MEMO1: variants seen among roughly 807,000 people sequenced by gnomAD.
The protein encoded by MEMO1 is mediator of cell motility 1.
MEMO1 carries 6 observed loss-of-function variants against 45.2 expected under a neutral mutation model. The observed-to-expected ratio is 0.13, with a 90% CI of 0.07 to 0.26. The LOEUF is 0.26. MEMO1 is among the 10% of genes least tolerant of loss of function. The probability of loss-of-function intolerance (pLI) is 1.00; values close to 1 mark genes in which losing one functional copy is unlikely to be tolerated. For missense variants in MEMO1, 184 were observed against 370.5 expected, an observed-to-expected ratio of 0.50 and a Z score of 4.13; for synonymous variants, 78 against 124.3, an observed-to-expected ratio of 0.63 and a Z score of 2.48.
intron 2 of MEMO1, among the ~76,000 whole-genome samples, chr2:31,994,108 G>A (rs2148560286): frequency 6.7e-6 from 1 of 150,282 alleles, no homozygotes; most frequent in Non-Finnish European, 1.5e-5. Context: ...TTACAGGCGT[G>A]CACCACCACG....
chr2:31,926,466 G>A (rs11124273), intron 4 of MEMO1, among the ~76,000 whole-genome samples: 22,848 of 151,694 alleles, frequency 0.15, 2,001 homozygotes, highest in African/African-American at 0.23. Context: ...AGTGAAAATT[G>A]GACTTTCATA....
At chr2:31,869,500 G>A (rs1056158469) in intron 9 of MEMO1, among the ~76,000 whole-genome samples, 1 of 151,890 alleles carries the variant, frequency 6.6e-6, no homozygotes, top group African/African-American at 2.4e-5. Flanking sequence ...TTTTTATAGA[G>A]TCTAGACCAG....
chr2:32,002,144 C>CAAA (rs1156408005), intron 2 of MEMO1, among the ~76,000 whole-genome samples: 831 of 55,690 alleles, frequency 0.015, 46 homozygotes, highest in Non-Finnish European at 0.02. Context: ...GACTCTGTCT[C>CAAA]AAAAAAAAAA....
intron 2 of MEMO1, among the ~76,000 whole-genome samples, chr2:32,009,534 G>A (rs1379384913): frequency 6.6e-6 from 1 of 152,186 alleles, no homozygotes; most frequent in African/African-American, 2.4e-5. Flanking sequence ...AGACAGCGGA[G>A]CCCCTTAAAG....
At chr2:31,892,734 C>G (rs1677157879) in intron 6 of MEMO1, among the ~76,000 whole-genome samples, 1 of 152,012 alleles carries the variant, frequency 6.6e-6, no homozygotes, top group Admixed American at 6.6e-5. Flanking sequence ...CTAGAATAGA[C>G]AAAGAATTAA....
intron 2 of MEMO1, among the ~76,000 whole-genome samples, chr2:31,957,588 CTAAG>C (rs1444900478): frequency 6.6e-6 from 1 of 152,104 alleles, no homozygotes; most frequent in Non-Finnish European, 1.5e-5. Context: ...CTTTACTTTC[CTAAG>C]TATGATATCC....
chr2:31,975,483 T>C (rs538475377), intron 2 of MEMO1, among the ~76,000 whole-genome samples: 1 of 152,264 alleles, frequency 6.6e-6, no homozygotes, highest in South Asian at 2.1e-4. Flanking sequence ...CTCTATCTCC[T>C]AGACACATGG....
At chr2:31,906,247 G>A (rs537971346) in intron 6 of MEMO1, among the ~76,000 whole-genome samples, 15 of 152,056 alleles carry the variant, frequency 9.9e-5, no homozygotes, top group South Asian at 8.3e-4. Flanking sequence ...TGGGATTACC[G>A]GCGTGAGCCA....
At chr2:31,910,791 T>C (rs1322353781) in intron 6 of MEMO1, among the ~76,000 whole-genome samples, 1 of 151,834 alleles carries the variant, frequency 6.6e-6, no homozygotes, top group Non-Finnish European at 1.5e-5. Context: ...GCCCAGGAGG[T>C]GGAAGTGGCA....
At chr2:31,989,060 G>A (rs1671620690) in intron 2 of MEMO1, among the ~76,000 whole-genome samples, 1 of 151,974 alleles carries the variant, frequency 6.6e-6, no homozygotes, top group Non-Finnish European at 1.5e-5. Context: ...TACAAAATTA[G>A]CCAGGCATGG....
Position 31,889,372 on chromosome 2 carries a change from G to T in MEMO1, c.580+2620C>A, listed in dbSNP as rs577162421. Among the ~76,000 whole-genome samples the T allele has an allele frequency of 9.9e-5, 15 of 152,172 alleles. No individual in the cohort carries two copies. The South Asian group carries it at 3.1e-3, about 32-fold the overall frequency. ...TCCCTCCTGTGAAATTTAGAAGTCA[G>T]TGTTATGATTGCTTCTATATAATAA... On this transcript the variant is annotated intron_variant, in intron 7 of 9. Coordinates refer to ENST00000404530, the MANE Select transcript of MEMO1 (RefSeq NM_001301833.4).
intron 2 of MEMO1, among the ~76,000 whole-genome samples, chr2:31,966,777 C>A (rs1668674725): frequency 6.7e-6 from 1 of 148,648 alleles, no homozygotes. Flanking sequence ...AAAATAAAAT[C>A]TTTGGAAAAA....
intron 2 of MEMO1, among the ~76,000 whole-genome samples, chr2:31,966,272 G>C (rs1668600992): frequency 1.3e-5 from 2 of 152,086 alleles, no homozygotes; most frequent in South Asian, 4.1e-4. Flanking sequence ...TTTAAATAGA[G>C]ACTTATTTTA....
At chr2:32,002,184 T>TAC (rs1468566168) in intron 2 of MEMO1, among the ~76,000 whole-genome samples, 133 of 116,892 alleles carry the variant, frequency 1.1e-3, no homozygotes, top group African/African-American at 1.9e-3. Flanking sequence ...TATATATATA[T>TAC]ATACACACAC....
rs1353776902 is a variant in MEMO1, at chr2:31,969,619, G to C, written c.62-26236C>G. On this transcript the variant is annotated intron_variant, in intron 2 of 9. Transcript: ENST00000404530. Reference sequence around the variant, plus strand: ...TGTGTGTGTGTGTGTGTGTGTGTGTGTGTGTGTGTGTGTGTTTAAGACAGG... The same window carrying C: ...TGTGTGTGTGTGTGTGTGTGTGTGTCTGTGTGTGTGTGTGTTTAAGACAGG... Among the ~76,000 whole-genome samples the C allele has an allele frequency of 2.7e-5, 4 of 149,064 alleles. No individual in the cohort carries two copies. The Admixed American group carries it at 2.7e-4, about 10-fold the overall frequency.
At chr2:31,915,902 T>C (rs1040002373) in intron 6 of MEMO1, among the ~76,000 whole-genome samples, 5 of 152,134 alleles carry the variant, frequency 3.3e-5, no homozygotes, top group Admixed American at 2.0e-4. Flanking sequence ...AGATAACTAA[T>C]ATAGGTAATT....
intron 8 of MEMO1, among the ~76,000 whole-genome samples, chr2:31,873,655 C>T (rs962791743): frequency 6.6e-5 from 10 of 151,994 alleles, no homozygotes; most frequent in Admixed American, 3.9e-4. Context: ...GAGGCACTTA[C>T]GAAATAAAAA....
chr2:31,932,793 T>C (rs533437306), intron 3 of MEMO1, among the ~76,000 whole-genome samples: 183 of 152,184 alleles, frequency 1.2e-3, no homozygotes, highest in African/African-American at 4.1e-3. Flanking sequence ...TACAGAAAAA[T>C]GATAAACCAA....
chr2:31,930,695 G>C (rs2148241753), intron 4 of MEMO1, among the ~76,000 whole-genome samples: 1 of 152,090 alleles, frequency 6.6e-6, no homozygotes, highest in South Asian at 2.1e-4. Flanking sequence ...TGCCAAGCTG[G>C]AGTGCGGTGG....
Sources: allele counts gnomAD v4.1 joint callset (sites outside exome capture counted in the v4.1 genomes callset), GRCh38; gene constraint gnomAD v4.1.1; transcripts MANE v1.5; gene names NCBI Gene and HGNC (gene_info 2026-07-23, HGNC 2026-07-21).